Variants in PHF23 observed in about 807,000 individuals in gnomAD.
PHF23 encodes PHD finger protein 23, also known as PDH-containing protein JUNE-1.
A neutral mutation model predicts 36.0 loss-of-function variants in PHF23; 3 were observed. The ratio of observed to expected loss-of-function variants is 0.08; its 90% CI spans 0.04 to 0.22. The LOEUF is 0.22. PHF23 is among the 10% of genes least tolerant of loss of function. The pLI is 1.00. For synonymous variants in PHF23, 242 were observed against 192.5 expected, an observed-to-expected ratio of 1.26 and a Z score of -2.13; for missense variants, 475 against 513.6, an observed-to-expected ratio of 0.92 and a Z score of 0.73.
In PHF23 at chr17:7,236,375, C is replaced by A. The variant is rs1232826226; in HGVS notation, c.552G>T (p.Lys184Asn). 1 of 1,614,016 alleles carries A rather than the reference C, an allele frequency of 6.2e-7. No individual in the cohort carries two copies. Among genetic ancestry groups the A allele is most frequent in the Non-Finnish European group, 8.5e-7 (1 of 1,180,054 alleles). The change falls in exon 4 of 5, where the codon AAG becomes AAT. Residue 184 changes from lysine to asparagine, a missense_variant. By Grantham distance (94) the Lys-to-Asn change is moderately conservative (BLOSUM62 0). Coordinates refer to ENST00000320316, the MANE Select transcript of PHF23 (RefSeq NM_024297.3). This position sits in a 1 kb window ranked among gnomAD's most constrained non-coding sequence, Gnocchi z 5.1. The part of the protein sequence containing the change: ...LSHPPRKKDR[K>N]NRKLGPGAGA... The stretch of plus-strand genomic sequence containing the variant: ...CAGCTCCTGGCCCCAACTTTCGGTT[C>A]TTTCGGTCCTTCTTTCGAGGAGGAT...
In PHF23 at chr17:7,236,810, C is replaced by T. The variant is rs2071680045; in HGVS notation, c.160-43G>A. On this transcript the variant is annotated intron_variant, in intron 3 of 4. Transcript: ENST00000320316. The surrounding 1 kb of genome is among the most constrained non-coding windows in gnomAD (Gnocchi z 5.1). ...ACCAGGGTCAGCAGAACCCCAGTGT[C>T]ATCTCAGCCCCTCCACAAACCCAGC... is the stretch of plus-strand genomic sequence containing the variant. 1 of 1,554,056 alleles carries T rather than the reference C, an allele frequency of 6.4e-7. No individual in the cohort carries two copies. The highest frequency in any genetic ancestry group is 1.2e-5 in the South Asian group (1 of 82,066).
rs1597562618 is a variant in PHF23, at chr17:7,236,363, C to T, written c.564G>A (p.Leu188=). The T allele has an allele frequency of 4.3e-6, 7 of 1,614,184 alleles. No individual in the cohort carries two copies. The East Asian group carries it at 1.6e-4, about 36-fold the overall frequency. The part of the protein sequence containing the change: ...PRKKDRKNRK[L]GPGAGAGFGV... ...CAAAGCCAGCCCCAGCTCCTGGCCC[C>T]AACTTTCGGTTCTTTCGGTCCTTCT... Residue 188 remains leucine (L), a synonymous_variant, in exon 4 of 5, where the codon TTG becomes TTA. Transcript: ENST00000320316. The surrounding 1 kb of genome is among the most constrained non-coding windows in gnomAD (Gnocchi z 5.1).
chr17:7,236,824 C>T lies in PHF23; in HGVS notation c.160-57G>A. 1 of 1,538,218 alleles carries T rather than the reference C, an allele frequency of 6.5e-7. No homozygotes were observed. Among genetic ancestry groups the T allele is most frequent in the Non-Finnish European group, 8.7e-7 (1 of 1,148,748 alleles). On this transcript the variant is annotated intron_variant, in intron 3 of 4. Coordinates refer to ENST00000320316, the MANE Select transcript of PHF23 (RefSeq NM_024297.3). This position sits in a 1 kb window ranked among gnomAD's most constrained non-coding sequence, Gnocchi z 5.1. ...AACCCCAGTGTCATCTCAGCCCCTC[C>T]ACAAACCCAGCTTGAAAAGGAGTGA...
chr17:7,238,145 G>A (rs1370215403), intron 1 of PHF23: 17 of 132,986 alleles, frequency 1.3e-4, no homozygotes, highest in East Asian at 7.1e-4. Flanking sequence ...ACCGCTCCCC[G>A]CCCTCCGGCC....
chr17:7,238,573 A>C lies in PHF23; in HGVS notation c.34+673T>G. 7.3e-6 allele frequency: 7 copies of C among 954,694 alleles called. No homozygotes were observed. The East Asian group carries it at 3.1e-4, about 43-fold the overall frequency. The allele number at this position is 954,694 out of a possible 1,614,324, so 59.1% of individuals were successfully genotyped here. ...CGCCGATGCCCCCCTCACCCTCAGC[A>C]ACTCCCAGGCTCTTAACCCTCGCGG... On this transcript the variant is annotated intron_variant, in intron 1 of 4. Coordinates refer to ENST00000320316, the MANE Select transcript of PHF23 (RefSeq NM_024297.3).
In PHF23 at chr17:7,236,574, C is replaced by G. The variant is rs533278658; in HGVS notation, c.353G>C (p.Arg118Pro). 2 of 1,614,034 alleles carry G rather than the reference C, an allele frequency of 1.2e-6. No homozygotes were observed. Among genetic ancestry groups the G allele is most frequent in the African/African-American group, 2.7e-5 (2 of 74,912 alleles). ...QPGPPRSTFS[R>P]LQAPDSATLL... ...GGTAGCACTGTCGGGGGCCTGCAGA[C>G]GAGAGAAAGTGGACCTTGGGGGTCC... The change falls in exon 4 of 5, where the codon CGT (arginine) becomes CCT (proline). Residue 118 changes from arginine to proline, a missense_variant. Physicochemically the swap from Arg to Pro is moderately radical, Grantham distance 103 (BLOSUM62 -2). This residue lies in a region of PHF23 where 350 missense variants were observed against 319.8 expected (regional missense o/e 1.09). Coordinates refer to ENST00000320316, the MANE Select transcript of PHF23 (RefSeq NM_024297.3). This position sits in a 1 kb window ranked among gnomAD's most constrained non-coding sequence, Gnocchi z 5.1.
In PHF23 at chr17:7,235,227, C is replaced by G; in HGVS notation, c.*399G>C. 4.3e-6 allele frequency: 1 copy of G among 231,528 alleles called. No homozygotes were observed. Among genetic ancestry groups the G allele is most frequent in the South Asian group, 5.8e-5 (1 of 17,186 alleles). The allele number at this position is 231,528 out of a possible 1,614,324, so 14.3% of individuals were successfully genotyped here. On this transcript the variant is annotated 3_prime_UTR_variant, in exon 5 of 5. Transcript: ENST00000320316. Reference sequence around the variant, plus strand: ...GGAAGTCCAAAATTAAAAATACAACCGGTGTAGAAGAAAATAAATGGGGAG... The same window carrying G: ...GGAAGTCCAAAATTAAAAATACAACGGGTGTAGAAGAAAATAAATGGGGAG...
chr17:7,238,982 C>T lies in PHF23; in HGVS notation c.34+264G>A, dbSNP rs1332117239. 2.7e-6 allele frequency: 4 copies of T among 1,469,340 alleles called. No individual in the cohort carries two copies. The African/African-American group carries it at 4.2e-5, about 15-fold the overall frequency. 91.0% of individuals were successfully genotyped at this position (1,469,340 alleles called of 1,614,324 possible). A position where few individuals can be genotyped will look rare whatever the true frequency, so the allele number is the denominator to read the frequency against. ...GGCCCCAATCTGCCGGTGGCCCTTTCGGGCCCTAACCCCCGAGGCTCCGGG... is the reference window on the plus strand; with the variant it reads ...GGCCCCAATCTGCCGGTGGCCCTTTTGGGCCCTAACCCCCGAGGCTCCGGG... On this transcript the variant is annotated intron_variant, in intron 1 of 4. Coordinates refer to ENST00000320316, the MANE Select transcript of PHF23 (RefSeq NM_024297.3).
Position 7,236,775 on chromosome 17 carries a change from G to C in PHF23, c.160-8C>G, listed in dbSNP as rs1405916726. 6.2e-7 allele frequency: 1 copy of C among 1,603,396 alleles called. No individual in the cohort carries two copies. Among genetic ancestry groups the C allele is most frequent in the Admixed American group, 1.7e-5 (1 of 59,450 alleles). ...GGCTGGCCAGTCACTTTCCTTAAAA[G>C]GGGGAAGAGACCAGGGTCAGCAGAA... On this transcript the variant is annotated splice_region_variant and splice_polypyrimidine_tract_variant and intron_variant, in intron 3 of 4. Transcript: ENST00000320316. The surrounding 1 kb of genome is among the most constrained non-coding windows in gnomAD (Gnocchi z 5.1).
rs368455116 is a variant in PHF23 at position 7,236,337 on chromosome 17, C to G, written c.590G>C (p.Gly197Ala). 11 of 1,614,078 alleles carry G rather than the reference C, an allele frequency of 6.8e-6. No individual in the cohort carries two copies. Among genetic ancestry groups the G allele is most frequent in the African/African-American group, 1.3e-5 (1 of 74,910 alleles). ...AGTTGGCCGAGGCCTCCGAAGCACC[C>G]CAAAGCCAGCCCCAGCTCCTGGCCC... Reference protein sequence around the residue: ...KLGPGAGAGFGVLRRPRPTPG... With the variant: ...KLGPGAGAGFAVLRRPRPTPG... Residue 197 changes from glycine to alanine, a missense_variant, in exon 4 of 5, where the codon GGG becomes GCG. Gly to Ala is a moderately conservative substitution (Grantham distance 60). Coordinates refer to ENST00000320316, the MANE Select transcript of PHF23 (RefSeq NM_024297.3). The surrounding 1 kb of genome is among the most constrained non-coding windows in gnomAD (Gnocchi z 5.1).
intron 2 of PHF23, 60 bp downstream of exon 2, chr17:7,237,569 G>A: frequency 1.0e-5 from 16 of 1,607,854 alleles, no homozygotes; most frequent in Non-Finnish European, 1.4e-5. Flanking sequence ...GTCTAGAAAA[G>A]GGGGGCGGGG....
rs1318686220 is a variant in PHF23, at chr17:7,238,638, A to ACC, written c.34+606_34+607dup. ...CCCGCCCGACAAGTCGCCGGTCTTA[A>ACC]CCCCCCCCACCCCGCCCCACCACCC... On this transcript the variant is annotated intron_variant, in intron 1 of 4. Transcript: ENST00000320316. 1.8e-5 allele frequency: 6 copies of ACC among 339,154 alleles called. No individual in the cohort carries two copies. In the African/African-American group the frequency reaches 6.4e-4, roughly 36 times the overall value. 21.0% of individuals were successfully genotyped at this position (339,154 alleles called of 1,614,324 possible).
Position 7,235,680 on chromosome 17 carries a change from T to C in PHF23, c.1158A>G (p.Glu386=), listed in dbSNP as rs774815841. The change falls in exon 5 of 5, where the codon GAA becomes GAG. Residue 386 remains glutamate, a synonymous_variant. Transcript: ENST00000320316. ...PDFFYCQKCK[E]LRPEARRLGG... ...CTAACCGCCGGGCCTCTGGCCTCAG[T>C]TCCTTGCATTTCTGGCAATAAAAGA... is the stretch of plus-strand genomic sequence containing the variant. 6.2e-7 allele frequency: 1 copy of C among 1,614,142 alleles called. No individual in the cohort carries two copies. Among genetic ancestry groups the C allele is most frequent in the Admixed American group, 1.7e-5 (1 of 60,024 alleles).
chr17:7,239,165 G>A (rs1334679799), intron 1 of PHF23, 81 bp downstream of exon 1: 4 of 1,087,556 alleles, frequency 3.7e-6, no homozygotes, highest in African/African-American at 3.2e-5. Flanking sequence ...GCTGGGCTCC[G>A]GGGCTCGACC....
chr17:7,237,341 G>A, intron 3 of PHF23, 44 bp downstream of exon 3: 1 of 1,492,822 alleles, frequency 6.7e-7, no homozygotes, highest in Non-Finnish European at 9.3e-7. Flanking sequence ...TCACTCTATA[G>A]TCCCACCACA....
At position 7,239,307 on chromosome 17, in the gene PHF23, G is replaced by C; in HGVS notation, c.-28C>G. On this transcript the variant is annotated 5_prime_UTR_variant, in exon 1 of 5. Transcript: ENST00000320316. ...CCCCCTCCCCTCCTCCCGGTCCGGC[G>C]CCCCCCTCCCCGGAGCCGGGGATCC... The C allele has an allele frequency of 8.0e-7, 1 of 1,249,762 alleles. No individual in the cohort carries two copies. The allele number at this position is 1,249,762 out of a possible 1,614,324, so 77.4% of individuals were successfully genotyped here.
rs2071747115 is a variant in PHF23 at position 7,239,348 on chromosome 17, T to G, written c.-69A>C. 1 of 760,358 alleles carries G rather than the reference T, an allele frequency of 1.3e-6. No homozygotes were observed. Among genetic ancestry groups the G allele is most frequent in the Admixed American group, 2.0e-5 (1 of 48,794 alleles). 47.1% of individuals were successfully genotyped at this position (760,358 alleles called of 1,614,324 possible). On this transcript the variant is annotated 5_prime_UTR_variant, in exon 1 of 5. Coordinates refer to ENST00000320316, the MANE Select transcript of PHF23 (RefSeq NM_024297.3). ...CCGGGGATCCCGGTGCCGCCTCTAG[T>G]GCTCGATGCTCCCACTGCTTCGCTC...
chr17:7,240,263 A>G (rs2071762181), upstream of PHF23: 1 of 152,440 alleles, frequency 6.6e-6, no homozygotes, highest in Non-Finnish European at 1.5e-5. Context: ...TTTTGCAGAC[A>G]GGGAAAAGCC....
chr17:7,239,553 T>C (rs2071751588), upstream of PHF23: 6 of 250,898 alleles, frequency 2.4e-5, no homozygotes, highest in Non-Finnish European at 3.1e-5. Context: ...CTTCTCTCCC[T>C]CCTCCCCCCG....
Sources: allele counts gnomAD v4.1 joint callset, GRCh38; gene constraint gnomAD v4.1.1; regional missense constraint gnomAD v4.1.1; non-coding constraint Gnocchi (gnomAD v3.1); transcripts MANE v1.5; gene names NCBI Gene and HGNC (gene_info 2026-07-23, HGNC 2026-07-21).